Variants in RORA observed in about 807,000 individuals in gnomAD.
RORA encodes the protein RAR related orphan receptor A, also known as nuclear receptor ROR-alpha.
A neutral mutation model predicts 69.5 loss-of-function variants in RORA; 7 were observed. The observed-to-expected ratio is 0.10, with a 90% CI of 0.06 to 0.19. The LOEUF is 0.19. Ranked by LOEUF, RORA falls within the 10% of genes least tolerant of loss-of-function variation. RORA has a pLI of 1.00. For missense variants in RORA, 457 were observed against 663.0 expected, an observed-to-expected ratio of 0.69 and a Z score of 3.41; for synonymous variants, 261 against 240.8, an observed-to-expected ratio of 1.08 and a Z score of -0.78.
chr15:60,894,323 G>A (rs1421703986), intron 1 of RORA, among the ~76,000 whole-genome samples: 1 of 152,124 alleles, frequency 6.6e-6, no homozygotes, highest in East Asian at 1.9e-4. Flanking sequence ...CCAGAGTTTT[G>A]TACACTTTCG....
rs188993530 is a variant in RORA, at chr15:60,915,544, T to C, written c.167-236858A>G. On this transcript the variant is annotated intron_variant, in intron 1 of 10. Transcript: ENST00000335670. The stretch of plus-strand genomic sequence containing the variant: ...CATGGTGGCGCGAATACTCTATTTC[T>C]GCACAGTACAGTACGTTCACCACTA... 4.3e-4 allele frequency among the ~76,000 whole-genome samples: 66 copies of C among 152,328 alleles called. No individual in the cohort carries two copies. In the East Asian group the frequency reaches 0.013, roughly 29 times the overall value.
At chr15:60,928,645 G>A (rs988893738) in intron 1 of RORA, among the ~76,000 whole-genome samples, 4 of 152,084 alleles carry the variant, frequency 2.6e-5, no homozygotes, top group South Asian at 4.2e-4. Flanking sequence ...TGTCCAATTC[G>A]ACTCCCTCAT....
intron 1 of RORA, among the ~76,000 whole-genome samples, chr15:61,155,977 G>A (rs1028660132): frequency 6.6e-6 from 1 of 152,140 alleles, no homozygotes; most frequent in African/African-American, 2.4e-5. Flanking sequence ...CACCGTTGAC[G>A]TCTCAGAACC....
chr15:60,866,373 A>G (rs546609211), intron 1 of RORA, among the ~76,000 whole-genome samples: 3 of 152,350 alleles, frequency 2.0e-5, no homozygotes, highest in Non-Finnish European at 2.9e-5. Flanking sequence ...ATAACAAGAC[A>G]TATATATTTG....
intron 1 of RORA, among the ~76,000 whole-genome samples, chr15:61,141,536 T>A (rs751955260): frequency 2.0e-5 from 3 of 152,200 alleles, no homozygotes; most frequent in Non-Finnish European, 2.9e-5. Flanking sequence ...AATGCATTTT[T>A]AAAAAAATTT....
At chr15:60,582,004 CA>C (rs2068208385) in intron 2 of RORA, among the ~76,000 whole-genome samples, 1 of 152,100 alleles carries the variant, frequency 6.6e-6, no homozygotes, top group African/African-American at 2.4e-5. Flanking sequence ...CTGTGGTACG[CA>C]ATGGTTAAGG....
chr15:60,926,668 C>T (rs1892227315), intron 1 of RORA, among the ~76,000 whole-genome samples: 2 of 152,172 alleles, frequency 1.3e-5, no homozygotes, highest in South Asian at 2.1e-4. Context: ...TCCTTAGTCT[C>T]GTTTATAAGA....
chr15:60,866,688 C>G (rs967815141), intron 1 of RORA, among the ~76,000 whole-genome samples: 1 of 152,090 alleles, frequency 6.6e-6, no homozygotes, highest in African/African-American at 2.4e-5. Context: ...GCCATAAAAC[C>G]CAAAAGGACA....
intron 2 of RORA, among the ~76,000 whole-genome samples, chr15:60,600,457 A>C (rs530268336): frequency 6.6e-6 from 1 of 152,324 alleles, no homozygotes; most frequent in East Asian, 1.9e-4. Flanking sequence ...TCCAGCTTAT[A>C]GGATGGGATT....
chr15:61,119,587 G>A (rs1415119678), intron 1 of RORA, among the ~76,000 whole-genome samples: 1 of 151,914 alleles, frequency 6.6e-6, no homozygotes, highest in Non-Finnish European at 1.5e-5. Flanking sequence ...GGGATTGCAG[G>A]CCACCATAAC....
At chr15:60,851,723 T>TGTGA (rs769749546) in intron 1 of RORA, among the ~76,000 whole-genome samples, 2 of 150,706 alleles carry the variant, frequency 1.3e-5, no homozygotes, top group East Asian at 1.9e-4. Context: ...TGTGTGTGTG[T>TGTGA]GAGAGAGAGT....
At chr15:61,111,561 T>C (rs1051481518) in intron 1 of RORA, among the ~76,000 whole-genome samples, 1 of 152,210 alleles carries the variant, frequency 6.6e-6, no homozygotes, top group East Asian at 1.9e-4. Flanking sequence ...AATTTGCAAT[T>C]ATTCAATTCA....
chr15:60,627,824 C>T (rs2069632986), intron 2 of RORA, among the ~76,000 whole-genome samples: 1 of 152,104 alleles, frequency 6.6e-6, no homozygotes, highest in Non-Finnish European at 1.5e-5. Flanking sequence ...ATAATCATGC[C>T]TTCATATGGA....
At chr15:61,099,622 C>A (rs1391531895) in intron 1 of RORA, among the ~76,000 whole-genome samples, 2 of 152,212 alleles carry the variant, frequency 1.3e-5, no homozygotes, top group African/African-American at 4.8e-5. Context: ...CAACGCATAC[C>A]TCCTACCGAA....
chr15:61,174,224 T>G (rs184237196), intron 1 of RORA, among the ~76,000 whole-genome samples: 214 of 152,340 alleles, frequency 1.4e-3, no homozygotes, highest in Non-Finnish European at 2.1e-3. Flanking sequence ...CCTTCTCTGC[T>G]GGCTTCTGTT....
At chr15:60,595,570 A>G (rs1396089855) in intron 2 of RORA, among the ~76,000 whole-genome samples, 1 of 152,130 alleles carries the variant, frequency 6.6e-6, no homozygotes, top group East Asian at 1.9e-4. Context: ...AAAATGCAAT[A>G]AATATGTAGG....
intron 1 of RORA, among the ~76,000 whole-genome samples, chr15:60,861,901 C>G (rs1046237969): frequency 1.4e-4 from 21 of 152,176 alleles, no homozygotes; most frequent in African/African-American, 1.9e-4. Context: ...TATTACACTC[C>G]TAAGGTCACT....
intron 2 of RORA, chr15:60,556,884 T>C: frequency 6.2e-7 from 1 of 1,613,692 alleles, no homozygotes; most frequent in Non-Finnish European, 8.5e-7. Flanking sequence ...CTTCCTTATC[T>C]TCCTTTTGTG....
chr15:60,661,598 C>T (rs771237597), intron 2 of RORA, among the ~76,000 whole-genome samples: 1 of 152,302 alleles, frequency 6.6e-6, no homozygotes, highest in African/African-American at 2.4e-5. Flanking sequence ...TCTATTAATT[C>T]TCTTTGAATA....
Sources: gnomAD v4.1 joint callset for allele counts (sites outside exome capture counted in the v4.1 genomes callset) on GRCh38, gnomAD v4.1.1 for gene constraint, MANE v1.5 for transcripts, NCBI Gene and HGNC (gene_info 2026-07-23, HGNC 2026-07-21) for gene names.